The following KCND2 variants were observed in gnomAD, a reference collection of about 807,000 sequenced individuals.
The protein encoded by KCND2 is potassium voltage-gated channel subfamily D member 2.
Under a neutral mutation model 54.4 loss-of-function variants are expected in KCND2, and 16 were observed. The ratio of observed to expected loss-of-function variants is 0.29; its 90% CI spans 0.20 to 0.45. KCND2 has a LOEUF of 0.45. Ranked by LOEUF, KCND2 falls within the 20% of genes least tolerant of loss-of-function variation. The probability of loss-of-function intolerance (pLI) is 1.00; values close to 1 mark genes in which losing one functional copy is unlikely to be tolerated. For missense variants in KCND2, 486 were observed against 824.2 expected (o/e 0.59, Z 5.02); for synonymous variants, 317 against 310.7 (o/e 1.02, Z -0.21).
At chr7:120,713,648 G>A (rs1448590879) in intron 1 of KCND2, among the ~76,000 whole-genome samples, 6 of 152,124 alleles carry the variant, frequency 3.9e-5, no homozygotes. Context: ...AGTGACAAGT[G>A]CCTCCACGTA....
chr7:120,310,655 C>T (rs1441093755), intron 1 of KCND2, among the ~76,000 whole-genome samples: 1 of 152,002 alleles, frequency 6.6e-6, no homozygotes, highest in Non-Finnish European at 1.5e-5. Flanking sequence ...TGGTGGCTCA[C>T]GGTTGTGGTG....
intron 1 of KCND2, among the ~76,000 whole-genome samples, chr7:120,406,875 G>A (rs893620285): frequency 1.3e-5 from 2 of 151,924 alleles, no homozygotes; most frequent in Non-Finnish European, 2.9e-5. Context: ...AATTAGCTTA[G>A]AGTCAGGATA....
rs183301483 is a variant in KCND2, at chr7:120,529,786, C to T, written c.1116-203117C>T. On this transcript the variant is annotated intron_variant, in intron 1 of 5. Coordinates refer to ENST00000331113, the MANE Select transcript of KCND2 (RefSeq NM_012281.3). ...CTCAAAAAGGAGTCTATCCATGTTC[C>T]CCTAGGAATGATCAGGCCAGGCATG... Among the ~76,000 whole-genome samples the T allele has an allele frequency of 3.3e-5, 5 of 152,126 alleles. No homozygotes were observed. In the East Asian group the frequency reaches 9.7e-4, roughly 29 times the overall value.
intron 1 of KCND2, among the ~76,000 whole-genome samples, chr7:120,343,056 A>T (rs1451834920): frequency 6.6e-6 from 1 of 152,144 alleles, no homozygotes; most frequent in Non-Finnish European, 1.5e-5. Context: ...AATCCTCTGT[A>T]TGTGGCCATT....
At chr7:120,337,394 T>C (rs1481409734) in intron 1 of KCND2, among the ~76,000 whole-genome samples, 1 of 152,176 alleles carries the variant, frequency 6.6e-6, no homozygotes, top group Non-Finnish European at 1.5e-5. Flanking sequence ...CATCAGGGCC[T>C]AGCAAAGATT....
intron 1 of KCND2, among the ~76,000 whole-genome samples, chr7:120,444,783 G>A (rs1012718528): frequency 6.6e-6 from 1 of 152,014 alleles, no homozygotes; most frequent in East Asian, 1.9e-4. Flanking sequence ...TGAAATGCCA[G>A]GAAAAGTTTA....
chr7:120,279,894 C>T (rs533508502), intron 1 of KCND2, among the ~76,000 whole-genome samples: 1 of 151,684 alleles, frequency 6.6e-6, no homozygotes, highest in African/African-American at 2.4e-5. Flanking sequence ...TCTCCTGATA[C>T]CTGTCAGTAT....
chr7:120,396,986 T>C (rs1276098285), intron 1 of KCND2, among the ~76,000 whole-genome samples: 1 of 152,108 alleles, frequency 6.6e-6, no homozygotes, highest in Admixed American at 6.6e-5. Flanking sequence ...ATTTACAATT[T>C]GCTTTAAGTT....
chr7:120,724,871 G>A (rs764620558), intron 1 of KCND2, among the ~76,000 whole-genome samples: 1 of 151,978 alleles, frequency 6.6e-6, no homozygotes, highest in Non-Finnish European at 1.5e-5. Context: ...TAAAATGAGG[G>A]AATAAAGTGT....
At chr7:120,288,912 A>G (rs1468600745) in intron 1 of KCND2, among the ~76,000 whole-genome samples, 1 of 152,050 alleles carries the variant, frequency 6.6e-6, no homozygotes, top group Non-Finnish European at 1.5e-5. Flanking sequence ...TAGTTAGATG[A>G]TGCGGGTTTA....
chr7:120,558,993 CTGTG>C lies in KCND2; in HGVS notation c.1116-173892_1116-173889del, dbSNP rs34908580. ...TGAGGTAGCCAAAGTTCACAAAGTA[CTGTG>C]TGTGTGTGTGTGTGTGTTTCTGTGT... On this transcript the variant is annotated intron_variant, in intron 1 of 5. Coordinates refer to ENST00000331113, the MANE Select transcript of KCND2 (RefSeq NM_012281.3). 2.8e-3 allele frequency among the ~76,000 whole-genome samples: 424 copies of C among 149,118 alleles called. 3 individuals carry two copies. Among genetic ancestry groups the C allele is most frequent in the African/African-American group, 9.2e-3 (377 of 40,852 alleles).
chr7:120,280,648 A>G (rs1799246386), intron 1 of KCND2, among the ~76,000 whole-genome samples: 1 of 151,960 alleles, frequency 6.6e-6, no homozygotes, highest in South Asian at 2.1e-4. Context: ...TTCCTAGTGG[A>G]AGAAAAGTGA....
At chr7:120,367,533 C>T (rs1800705012) in intron 1 of KCND2, among the ~76,000 whole-genome samples, 1 of 150,780 alleles carries the variant, frequency 6.6e-6, no homozygotes, top group Non-Finnish European at 1.5e-5. Flanking sequence ...GGAGGGAGTG[C>T]CTCTATGGGA....
At chr7:120,474,248 C>T (rs1011696824) in intron 1 of KCND2, among the ~76,000 whole-genome samples, 4 of 152,170 alleles carry the variant, frequency 2.6e-5, no homozygotes, top group Non-Finnish European at 5.9e-5. Flanking sequence ...TCAAGCATCC[C>T]ACTGCCTGGC....
intron 1 of KCND2, among the ~76,000 whole-genome samples, chr7:120,459,438 C>T (rs146633825): frequency 5.9e-5 from 9 of 152,236 alleles, no homozygotes; most frequent in Non-Finnish European, 8.8e-5. Flanking sequence ...TGGCTGCCTC[C>T]GCCCACAACT....
chr7:120,738,969 A>C (rs1792908037), intron 2 of KCND2, among the ~76,000 whole-genome samples: 1 of 152,152 alleles, frequency 6.6e-6, no homozygotes, highest in South Asian at 2.1e-4. Flanking sequence ...CCATGATTGA[A>C]ATTTAGATGG....
At chr7:120,351,407 CA>C in intron 1 of KCND2, among the ~76,000 whole-genome samples, 2 of 145,360 alleles carry the variant, frequency 1.4e-5, no homozygotes, top group South Asian at 2.2e-4. Flanking sequence ...CACACACACA[CA>C]CACACTCTCT....
intron 1 of KCND2, among the ~76,000 whole-genome samples, chr7:120,677,524 T>TATAG (rs145735623): frequency 0.063 from 8,082 of 128,954 alleles, 683 homozygotes; most frequent in East Asian, 0.4. Context: ...CAAATATATA[T>TATAG]ATATAGATAT....
intron 1 of KCND2, among the ~76,000 whole-genome samples, chr7:120,434,682 T>G (rs562208872): frequency 6.6e-6 from 1 of 152,228 alleles, no homozygotes; most frequent in Non-Finnish European, 1.5e-5. Context: ...CTGGTTGGAG[T>G]TTATTACTTC....
Sources: gnomAD v4.1 joint callset for allele counts (sites outside exome capture counted in the v4.1 genomes callset) on GRCh38, gnomAD v4.1.1 for gene constraint, MANE v1.5 for transcripts, NCBI Gene and HGNC (gene_info 2026-07-23, HGNC 2026-07-21) for gene names.